Variants in GATAD2A observed in about 807,000 individuals in gnomAD.
The protein encoded by GATAD2A is transcriptional repressor p66-alpha.
In GATAD2A, 12 loss-of-function variants were observed where a neutral mutation model predicts 68.5. The ratio of observed to expected loss-of-function variants is 0.18; its 90% CI spans 0.11 to 0.28. The LOEUF is 0.28. Among genes scored for constraint, GATAD2A ranks in the 10% least tolerant of loss-of-function variants. GATAD2A has a pLI of 1.00. For synonymous variants in GATAD2A, 410 were observed against 375.3 expected (o/e 1.09, Z -1.07); for missense variants, 755 against 868.5 (o/e 0.87, Z 1.64).
At chr19:19,498,087 C>T (rs1440654529) in intron 7 of GATAD2A, among the ~76,000 whole-genome samples, 3 of 152,192 alleles carry the variant, frequency 2.0e-5, no homozygotes, top group Non-Finnish European at 4.4e-5. Context: ...GGACAGTGGC[C>T]CTGCTGGGCA....
rs1483917868 is a variant in GATAD2A, at chr19:19,507,205, A to G, written c.*1731A>G. On this transcript the variant is annotated 3_prime_UTR_variant, in exon 12 of 12. Coordinates refer to ENST00000683918, the MANE Select transcript of GATAD2A (RefSeq NM_001384528.1). ...TCCAGGGATTTGGGGAAAAGGAAGG[A>G]ATTTGATGTTTTTTGGGGTGGGAGG... 6.8e-6 allele frequency: 1 copy of G among 146,904 alleles called. No homozygotes were observed. Among genetic ancestry groups the G allele is most frequent in the Non-Finnish European group, 1.5e-5 (1 of 66,876 alleles). 9.1% of individuals were successfully genotyped at this position (146,904 alleles called of 1,614,324 possible).
At chr19:19,502,246 C>A in intron 10 of GATAD2A, 85 bp from the exon 11 acceptor site, 1 of 1,153,062 alleles carries the variant, frequency 8.7e-7, no homozygotes, top group Non-Finnish European at 1.3e-6. Context: ...AGAGGTCAGC[C>A]AGAGCAAGGA....
Position 19,452,913 on chromosome 19 carries a change from A to ACC in GATAD2A, c.-6-12426_-6-12425dup, listed in dbSNP as rs1380127278. Among the ~76,000 whole-genome samples the ACC allele has an allele frequency of 3.3e-5, 5 of 152,006 alleles. No homozygotes were observed. In the East Asian group the frequency reaches 9.7e-4, roughly 29 times the overall value. On this transcript the variant is annotated intron_variant, in intron 1 of 11. Transcript: ENST00000683918. ...TTGTCCTCCTGTGCGTCCCCTCAAAACCAGGTAATGTGTCCTCAGGATTTC... is the reference window on the plus strand; with the variant it reads ...TTGTCCTCCTGTGCGTCCCCTCAAAACCCCAGGTAATGTGTCCTCAGGATTTC...
intron 4 of GATAD2A, 26 bp downstream of exon 4, chr19:19,492,738 T>G (rs1432698089): frequency 6.2e-7 from 1 of 1,613,014 alleles, no homozygotes; most frequent in African/African-American, 1.3e-5. Flanking sequence ...CCCTCCTTCC[T>G]GGGCCAGCAG....
intron 1 of GATAD2A, among the ~76,000 whole-genome samples, chr19:19,441,992 G>A (rs2055152541): frequency 6.6e-6 from 1 of 152,180 alleles, no homozygotes; most frequent in Non-Finnish European, 1.5e-5. Context: ...CTCCTGAGTG[G>A]CTGGGATTAC....
At chr19:19,414,177 C>G (rs898699969) in intron 1 of GATAD2A, among the ~76,000 whole-genome samples, 3 of 152,030 alleles carry the variant, frequency 2.0e-5, no homozygotes, top group Non-Finnish European at 4.4e-5. Flanking sequence ...TAATTGCAGT[C>G]TTATTGTTAG....
chr19:19,428,341 A>G (rs2053331579), intron 1 of GATAD2A, among the ~76,000 whole-genome samples: 2 of 152,360 alleles, frequency 1.3e-5, no homozygotes, highest in African/African-American at 4.8e-5. Context: ...GGTGGAAACA[A>G]TAAGAGGAGC....
chr19:19,422,541 C>T (rs2052545357), intron 1 of GATAD2A, among the ~76,000 whole-genome samples: 1 of 152,166 alleles, frequency 6.6e-6, no homozygotes, highest in Admixed American at 6.5e-5. Flanking sequence ...TCAGTTTATC[C>T]TGTAAGGGCT....
chr19:19,484,733 C>T (rs1398227665), intron 2 of GATAD2A, among the ~76,000 whole-genome samples: 2 of 152,014 alleles, frequency 1.3e-5, no homozygotes, highest in African/African-American at 4.8e-5. Context: ...CGAGGTTTCA[C>T]TGTGTTAGCC....
intron 1 of GATAD2A, chr19:19,457,101 G>C (rs2057005040): frequency 1.0e-6 from 1 of 985,352 alleles, no homozygotes; most frequent in African/African-American, 1.7e-5. Context: ...ACTCCTATCT[G>C]TGACACCTCT....
chr19:19,429,815 T>C (rs1052404851), intron 1 of GATAD2A, among the ~76,000 whole-genome samples: 7 of 151,996 alleles, frequency 4.6e-5, no homozygotes, highest in East Asian at 2.0e-4. Context: ...AACCTCACGA[T>C]TGGGTCTTGG....
At chr19:19,457,037 TC>T in intron 1 of GATAD2A, 1 of 932,300 alleles carries the variant, frequency 1.1e-6, no homozygotes, top group Non-Finnish European at 1.3e-6. Flanking sequence ...ACCCTGAGGA[TC>T]CCAGAGCTGA....
chr19:19,467,205 C>G (rs1195504112), intron 2 of GATAD2A, among the ~76,000 whole-genome samples: 1 of 152,156 alleles, frequency 6.6e-6, no homozygotes, highest in Non-Finnish European at 1.5e-5. Context: ...GAAACCCCAT[C>G]TCTACTAAAA....
At chr19:19,464,190 A>G (rs977671508) in intron 1 of GATAD2A, among the ~76,000 whole-genome samples, 1 of 152,194 alleles carries the variant, frequency 6.6e-6, no homozygotes, top group Non-Finnish European at 1.5e-5. Context: ...GCTTCAGCAT[A>G]GAGCATGCCA....
chr19:19,405,829 C>T lies in GATAD2A; in HGVS notation c.-197C>T, dbSNP rs2050157462. 1 of 148,270 alleles carries T rather than the reference C, an allele frequency of 6.7e-6. No individual in the cohort carries two copies. The highest frequency in any genetic ancestry group is 6.7e-5 in the Admixed American group (1 of 14,922). The allele number at this position is 148,270 out of a possible 1,614,324, so 9.2% of individuals were successfully genotyped here. On this transcript the variant is annotated 5_prime_UTR_variant, in exon 1 of 12. Transcript: ENST00000683918. ...TGTGTGCGGCCGAGGGGCGCATTAT[C>T]TGGCCGGCGGCGCGGGCGGGCGGGC...
chr19:19,473,253 G>C (rs2058441295), intron 2 of GATAD2A, among the ~76,000 whole-genome samples: 2 of 152,152 alleles, frequency 1.3e-5, no homozygotes, highest in South Asian at 4.1e-4. Context: ...CCTGCCCCAT[G>C]GTCTGGACGG....
intron 1 of GATAD2A, among the ~76,000 whole-genome samples, chr19:19,392,015 T>TCATC (rs1314927027): frequency 1.3e-5 from 2 of 152,114 alleles, no homozygotes; most frequent in Admixed American, 6.5e-5. Context: ...AAGTTTGACT[T>TCATC]CATCCTCTCA....
At chr19:19,431,544 A>C (rs1273130961) in intron 1 of GATAD2A, among the ~76,000 whole-genome samples, 1 of 151,484 alleles carries the variant, frequency 6.6e-6, no homozygotes, top group Non-Finnish European at 1.5e-5. Flanking sequence ...AAATATAAAA[A>C]TTAGCTGGGC....
intron 2 of GATAD2A, among the ~76,000 whole-genome samples, chr19:19,477,297 AG>A (rs2058736696): frequency 6.6e-6 from 1 of 152,178 alleles, no homozygotes; most frequent in African/African-American, 2.4e-5. Flanking sequence ...CCTGTGCCAT[AG>A]GACTGCGGAT....
Sources: allele counts gnomAD v4.1 joint callset (sites outside exome capture counted in the v4.1 genomes callset), GRCh38; gene constraint gnomAD v4.1.1; transcripts MANE v1.5; gene names NCBI Gene and HGNC (gene_info 2026-07-23, HGNC 2026-07-21).